PARD3B: variants seen among roughly 807,000 people sequenced by gnomAD.
PARD3B encodes the protein partitioning defective 3 homolog B.
Under a neutral mutation model 130.2 loss-of-function variants are expected in PARD3B, and 103 were observed. The observed-to-expected ratio is 0.79, with a 90% CI of 0.67 to 0.93. PARD3B has a LOEUF of 0.93. PARD3B is among the 40% of genes least tolerant of loss of function. The probability of loss-of-function intolerance (pLI) is 0.00; values close to 1 mark genes in which losing one functional copy is unlikely to be tolerated. For missense variants in PARD3B, 1,609 were observed against 1,499.2 expected (o/e 1.07, Z -1.21); for synonymous variants, 583 against 553.2 (o/e 1.05, Z -0.76).
rs752529248 is a variant in PARD3B, at chr2:204,669,558, A to G, written c.121-16623A>G. ...GTTTGAATGGTTTAGTAGTTACGACATTGGCATTGTTAGGAATGACAAATA... is the reference window on the plus strand; with the variant it reads ...GTTTGAATGGTTTAGTAGTTACGACGTTGGCATTGTTAGGAATGACAAATA... On this transcript the variant is annotated intron_variant, in intron 1 of 22. Coordinates refer to ENST00000406610, the MANE Select transcript of PARD3B (RefSeq NM_001302769.2). The surrounding 1 kb of genome is among the most constrained non-coding windows in gnomAD (Gnocchi z 4.3). Among the ~76,000 whole-genome samples the G allele has an allele frequency of 6.6e-6, 1 of 152,152 alleles. No homozygotes were observed. Among genetic ancestry groups the G allele is most frequent in the Admixed American group, 6.6e-5 (1 of 15,246 alleles).
intron 18 of PARD3B, among the ~76,000 whole-genome samples, chr2:205,394,030 G>T (rs1307898035): frequency 5.3e-5 from 8 of 151,920 alleles, no homozygotes; most frequent in Non-Finnish European, 8.8e-5. Context: ...TTTAATTGAG[G>T]GGTTAGATAT....
At chr2:205,394,835 T>C (rs1313468998) in intron 18 of PARD3B, among the ~76,000 whole-genome samples, 1 of 152,148 alleles carries the variant, frequency 6.6e-6, no homozygotes, top group African/African-American at 2.4e-5. Flanking sequence ...TACCAGGCAC[T>C]GGAGGAAGGA....
chr2:204,754,767 C>G (rs560455323), intron 2 of PARD3B, among the ~76,000 whole-genome samples: 1 of 152,208 alleles, frequency 6.6e-6, no homozygotes, highest in South Asian at 2.1e-4. Flanking sequence ...ATTTGGTTTA[C>G]CTCTTCTTGA....
intron 18 of PARD3B, among the ~76,000 whole-genome samples, chr2:205,367,182 G>T (rs1259461252): frequency 1.3e-5 from 2 of 152,174 alleles, no homozygotes; most frequent in Non-Finnish European, 2.9e-5. Context: ...ACGATTAAAT[G>T]ATTTGTAAAT....
At chr2:205,167,577 G>T (rs763142137) in intron 11 of PARD3B, among the ~76,000 whole-genome samples, 17 of 152,112 alleles carry the variant, frequency 1.1e-4, no homozygotes, top group Non-Finnish European at 1.9e-4. Context: ...TAAAATGGGG[G>T]CAGCAATCTC....
At chr2:204,630,655 A>T (rs925354117) in intron 1 of PARD3B, among the ~76,000 whole-genome samples, 1 of 152,168 alleles carries the variant, frequency 6.6e-6, no homozygotes, top group African/African-American at 2.4e-5. Flanking sequence ...CACGATAAAG[A>T]GTTGTGATGG....
At chr2:205,486,503 G>A (rs1389006498) in intron 20 of PARD3B, among the ~76,000 whole-genome samples, 1 of 152,150 alleles carries the variant, frequency 6.6e-6, no homozygotes, top group Non-Finnish European at 1.5e-5. Flanking sequence ...AAACAGAAGA[G>A]GTCGAGTTGG....
chr2:204,879,850 A>G lies in PARD3B; in HGVS notation c.223-85302A>G, dbSNP rs945768576. On this transcript the variant is annotated intron_variant, in intron 2 of 22. Coordinates refer to ENST00000406610, the MANE Select transcript of PARD3B (RefSeq NM_001302769.2). ...CTGAAATTAGGTTTGCAAAGCCCGG[A>G]TATCAGTGGGCTTATTCTTTTTGCC... is the stretch of plus-strand genomic sequence containing the variant. Among the ~76,000 whole-genome samples the G allele has an allele frequency of 3.9e-5, 6 of 152,344 alleles. No individual in the cohort carries two copies. The East Asian group carries it at 1.2e-3, about 29-fold the overall frequency.
chr2:205,243,650 T>G (rs774868780), intron 15 of PARD3B, among the ~76,000 whole-genome samples: 1 of 152,164 alleles, frequency 6.6e-6, no homozygotes, highest in Non-Finnish European at 1.5e-5. Context: ...CAGCATATAG[T>G]TAGTTGCGTT....
At chr2:205,192,082 C>T (rs2036429458) in intron 14 of PARD3B, among the ~76,000 whole-genome samples, 1 of 152,110 alleles carries the variant, frequency 6.6e-6, no homozygotes, top group South Asian at 2.1e-4. Flanking sequence ...ATTCATTTGG[C>T]AATACTATTA....
intron 22 of PARD3B, among the ~76,000 whole-genome samples, chr2:205,554,231 T>C (rs2052779004): frequency 7.2e-6 from 1 of 139,812 alleles, no homozygotes; most frequent in Non-Finnish European, 1.5e-5. Flanking sequence ...TTTAAAGGGG[T>C]GGGGGAAAGA....
chr2:205,311,545 C>T (rs1417119904), intron 18 of PARD3B, among the ~76,000 whole-genome samples: 2 of 152,168 alleles, frequency 1.3e-5, no homozygotes, highest in Admixed American at 6.5e-5. Flanking sequence ...TCAAATATTA[C>T]CTTTGTCTCA....
chr2:204,616,666 T>C (rs2034124633), intron 1 of PARD3B, among the ~76,000 whole-genome samples: 1 of 152,206 alleles, frequency 6.6e-6, no homozygotes, highest in Non-Finnish European at 1.5e-5. Flanking sequence ...AATCTGCACA[T>C]GTATATTTAT....
intron 4 of PARD3B, among the ~76,000 whole-genome samples, chr2:205,062,139 A>T (rs926322671): frequency 2.0e-5 from 3 of 152,034 alleles, no homozygotes; most frequent in African/African-American, 7.2e-5. Context: ...AGGTTAAAAT[A>T]CCACCTCCTT....
chr2:205,072,355 A>G (rs946951495), intron 4 of PARD3B, among the ~76,000 whole-genome samples: 1 of 151,194 alleles, frequency 6.6e-6, no homozygotes, highest in Non-Finnish European at 1.5e-5. Context: ...GGTTCAAGCG[A>G]TTCTCCTGCC....
chr2:204,574,045 C>G (rs1178081053), intron 1 of PARD3B, among the ~76,000 whole-genome samples: 4 of 152,116 alleles, frequency 2.6e-5, no homozygotes, highest in Non-Finnish European at 4.4e-5. Flanking sequence ...AGAGCATCTT[C>G]CTATTTGTGG....
At chr2:205,298,829 T>C (rs1397407218) in intron 16 of PARD3B, among the ~76,000 whole-genome samples, 1 of 152,176 alleles carries the variant, frequency 6.6e-6, no homozygotes, top group Non-Finnish European at 1.5e-5. Context: ...AGCAAATACA[T>C]CTTTAGACAG....
At chr2:205,537,631 T>C (rs561927818) in intron 21 of PARD3B, among the ~76,000 whole-genome samples, 82 of 152,094 alleles carry the variant, frequency 5.4e-4, no homozygotes, top group Non-Finnish European at 9.1e-4. Flanking sequence ...GATAGCAAAA[T>C]GGCTGAGGTC....
chr2:205,617,717 G>A lies in PARD3B; in HGVS notation c.*1904G>A, dbSNP rs1052013157. 1.3e-5 allele frequency: 2 copies of A among 152,198 alleles called. No homozygotes were observed. Among genetic ancestry groups the A allele is most frequent in the African/African-American group, 4.8e-5 (2 of 41,446 alleles). The allele number at this position is 152,198 out of a possible 1,614,324, so 9.4% of individuals were successfully genotyped here. On this transcript the variant is annotated 3_prime_UTR_variant, in exon 23 of 23. Coordinates refer to ENST00000406610, the MANE Select transcript of PARD3B (RefSeq NM_001302769.2). ...AGGATCTCAGGCCCTGCTCACGTGA[G>A]GTGGAGTGCAGGGGAGCTACCGGTT...
Sources: gnomAD v4.1 joint callset for allele counts (sites outside exome capture counted in the v4.1 genomes callset) on GRCh38, gnomAD v4.1.1 for gene constraint, Gnocchi (gnomAD v3.1) non-coding constraint, MANE v1.5 for transcripts, NCBI Gene and HGNC (gene_info 2026-07-23, HGNC 2026-07-21) for gene names.